The following SP100 variants were observed in gnomAD, a reference collection of about 807,000 sequenced individuals.
SP100 encodes the protein nuclear autoantigen Sp-100.
SP100 carries 84 observed loss-of-function variants against 130.0 expected under a neutral mutation model. The ratio of observed to expected loss-of-function variants is 0.65; its 90% CI spans 0.54 to 0.77. The LOEUF (loss-of-function observed/expected upper bound fraction) is 0.77, where lower values mean the gene tolerates loss of function less well. SP100 is among the 30% of genes least tolerant of loss of function. The probability of loss-of-function intolerance (pLI) is 0.00; values close to 1 mark genes in which losing one functional copy is unlikely to be tolerated. For synonymous variants in SP100, 331 were observed against 351.7 expected, an observed-to-expected ratio of 0.94 and a Z score of 0.66; for missense variants, 978 against 1,052.2, an observed-to-expected ratio of 0.93 and a Z score of 0.97.
intron 5 of SP100, among the ~76,000 whole-genome samples, chr2:230,448,874 T>C (rs1391704628): frequency 6.6e-6 from 1 of 152,182 alleles, no homozygotes; most frequent in Non-Finnish European, 1.5e-5. Context: ...AAGGCCCCTG[T>C]CATCCAGGGG....
intron 17 of SP100, among the ~76,000 whole-genome samples, chr2:230,478,375 G>A (rs3856529): frequency 0.077 from 11,700 of 152,226 alleles, 573 homozygotes; most frequent in East Asian, 0.17. Flanking sequence ...CTGGTTTCAT[G>A]AGAAGTGGCA....
At chr2:230,510,906 A>G (rs1241338282) in intron 23 of SP100, 1 of 584,474 alleles carries the variant, frequency 1.7e-6, no homozygotes, top group Non-Finnish European at 3.0e-6. Context: ...CTTGGGTGTG[A>G]GAGCCAGGAA....
In SP100 at chr2:230,531,670, G is replaced by A. The variant is rs1041743547; in HGVS notation, c.2095-7597G>A. Among the ~76,000 whole-genome samples the A allele has an allele frequency of 2.6e-5, 4 of 152,054 alleles. No homozygotes were observed. The South Asian group carries it at 8.3e-4, about 31-fold the overall frequency. On this transcript the variant is annotated intron_variant, in intron 24 of 28. Coordinates refer to ENST00000340126, the MANE Select transcript of SP100 (RefSeq NM_001080391.2). ...GTGTGGAGCCAAATTTCACATACAT[G>A]CTTGCATTGCTTCACATTCTATCTG...
At chr2:230,504,361 A>AT in intron 21 of SP100, 71 bp downstream of exon 21, 1 of 864,852 alleles carries the variant, frequency 1.2e-6, no homozygotes. Context: ...GTTTAGGAGT[A>AT]GACACTTGCC....
intron 24 of SP100, among the ~76,000 whole-genome samples, chr2:230,534,827 CTG>C (rs1358986400): frequency 6.6e-6 from 1 of 152,200 alleles, no homozygotes; most frequent in Non-Finnish European, 1.5e-5. Context: ...TCCTCATCAA[CTG>C]TGTCTTTAAC....
At chr2:230,476,841 CTCTG>C (rs2065572065) in intron 17 of SP100, among the ~76,000 whole-genome samples, 1 of 151,930 alleles carries the variant, frequency 6.6e-6, no homozygotes, top group Non-Finnish European at 1.5e-5. Flanking sequence ...TCAGAGAATG[CTCTG>C]TGTTTCTTTG....
In SP100 at chr2:230,462,496, C is replaced by T. The variant is rs773656035; in HGVS notation, c.1035C>T (p.Ile345=). 9 of 1,613,700 alleles carry T rather than the reference C, an allele frequency of 5.6e-6. No homozygotes were observed. Among genetic ancestry groups the T allele is most frequent in the Non-Finnish European group, 7.6e-6 (9 of 1,179,716 alleles). Residue 345 remains isoleucine (I), a synonymous_variant, in exon 10 of 29, where the codon ATC becomes ATT. Coordinates refer to ENST00000340126, the MANE Select transcript of SP100 (RefSeq NM_001080391.2). ...TDVDEPLEVF[I]SAPRSEPVIN... ...TTGATGAGCCCTTAGAAGTCTTCAT[C>T]TCAGCACCGAGAAGTGAGCCTGGTA...
At chr2:230,458,413 G>A (rs2064399328) in intron 8 of SP100, among the ~76,000 whole-genome samples, 1 of 152,150 alleles carries the variant, frequency 6.6e-6, no homozygotes, top group Non-Finnish European at 1.5e-5. Flanking sequence ...AGGAGGGGTT[G>A]GCCTTGCTGT....
intron 2 of SP100, among the ~76,000 whole-genome samples, chr2:230,432,500 G>C (rs2063129435): frequency 6.6e-6 from 1 of 152,056 alleles, no homozygotes; most frequent in Non-Finnish European, 1.5e-5. Context: ...AATGTATAAG[G>C]GTTCAAGTTT....
At chr2:230,540,806 T>C (rs1692143940) in intron 25 of SP100, 70 bp from the exon 26 acceptor site, 3 of 1,552,370 alleles carry the variant, frequency 1.9e-6, no homozygotes, top group Non-Finnish European at 2.6e-6. Flanking sequence ...AGCAGAGGAC[T>C]TGAACAACTG....
rs139760346 is a variant in SP100 at position 230,495,464 on chromosome 2, C to T, written c.1645+1004C>T. 3.2e-3 allele frequency among the ~76,000 whole-genome samples: 492 copies of T among 152,218 alleles called. 3 individuals carry two copies. Among genetic ancestry groups the T allele is most frequent in the African/African-American group, 0.011 (471 of 41,532 alleles). On this transcript the variant is annotated intron_variant, in intron 18 of 28. Transcript: ENST00000340126. The stretch of plus-strand genomic sequence containing the variant: ...CCTCCCGAGTAGCTGGGATTACAGG[C>T]GCATACCATCATGCCAAGCTAATTT...
intron 15 of SP100, 74 bp downstream of exon 15, chr2:230,470,172 A>C: frequency 6.5e-7 from 1 of 1,537,418 alleles, no homozygotes; most frequent in Non-Finnish European, 8.8e-7. Context: ...CTGTTTCCAG[A>C]CGCTTTTTAT....
chr2:230,463,048 T>C (rs2064748792), intron 10 of SP100, among the ~76,000 whole-genome samples: 1 of 152,238 alleles, frequency 6.6e-6, no homozygotes, highest in Non-Finnish European at 1.5e-5. Flanking sequence ...CAGCAAGTCA[T>C]GGCACATTTA....
At chr2:230,426,739 T>G (rs1283705666) in intron 2 of SP100, among the ~76,000 whole-genome samples, 1 of 152,160 alleles carries the variant, frequency 6.6e-6, no homozygotes, top group Non-Finnish European at 1.5e-5. Flanking sequence ...TTGAATGAAG[T>G]GTTCTATATA....
rs1246055755 is a variant in SP100 at position 230,438,648 on chromosome 2, T to TATATATACACACACAC, written c.108-4288_108-4287insTATATACACACACACA. Among the ~76,000 whole-genome samples the TATATATACACACACAC allele has an allele frequency of 5.5e-5, 7 of 127,400 alleles. No individual in the cohort carries two copies. The South Asian group carries it at 7.5e-4, about 14-fold the overall frequency. The allele number at this position is 127,400 out of a possible 152,430, so 83.6% of individuals were successfully genotyped here. On this transcript the variant is annotated intron_variant, in intron 2 of 28. Coordinates refer to ENST00000340126, the MANE Select transcript of SP100 (RefSeq NM_001080391.2). ...AGTAGTACTCCATGGTGTATATATA[T>TATATATACACACACAC]ACACACACACACACACACACACACA...
chr2:230,506,567 T>A (rs1474232138), intron 22 of SP100, 122 bp downstream of exon 22: 3 of 940,712 alleles, frequency 3.2e-6, no homozygotes, highest in Non-Finnish European at 4.8e-6. Flanking sequence ...CAGGTCTCCA[T>A]GCATATGTTA....
rs1692196976 is a variant in SP100 at position 230,541,989 on chromosome 2, T to C, written c.2501T>C (p.Val834Ala). 6.2e-7 allele frequency: 1 copy of C among 1,614,174 alleles called. No individual in the cohort carries two copies. Among genetic ancestry groups the C allele is most frequent in the Middle Eastern group, 1.6e-4 (1 of 6,062 alleles). Residue 834 changes from valine to alanine, a missense_variant, in exon 28 of 29, where the codon GTG becomes GCG. Physicochemically the swap from Val to Ala is moderately conservative, Grantham distance 64 (BLOSUM62 0). Coordinates refer to ENST00000340126, the MANE Select transcript of SP100 (RefSeq NM_001080391.2). ...ATGTACACCCGAGTAGAAGGGTTTG[T>C]GCAGGACATGCGTCTCATCTTTCAT... is the stretch of plus-strand genomic sequence containing the variant. The part of the protein sequence containing the change: ...EQMYTRVEGF[V>A]QDMRLIFHNH...
At position 230,424,140 on chromosome 2, in the gene SP100, G is replaced by A. The variant is rs193283671; in HGVS notation, c.107+6475G>A. ...CCTTGTTTCTTCCCTGTAAAATGAC[G>A]GTATTAATAATGGTGCTGCCAGCAG... On this transcript the variant is annotated intron_variant, in intron 2 of 28. Coordinates refer to ENST00000340126, the MANE Select transcript of SP100 (RefSeq NM_001080391.2). Among the ~76,000 whole-genome samples, 396 of 152,254 alleles carry A rather than the reference G, an allele frequency of 2.6e-3. 2 individuals are homozygous for A. The highest frequency in any genetic ancestry group is 0.014 in the South Asian group (69 of 4,828).
chr2:230,539,753 T>C (rs1692092088), intron 25 of SP100, among the ~76,000 whole-genome samples: 1 of 152,160 alleles, frequency 6.6e-6, no homozygotes. Flanking sequence ...GTAAAGCCAG[T>C]GCTGCAGCAG....
Sources: allele counts gnomAD v4.1 joint callset (sites outside exome capture counted in the v4.1 genomes callset), GRCh38; gene constraint gnomAD v4.1.1; transcripts MANE v1.5; gene names NCBI Gene and HGNC (gene_info 2026-07-23, HGNC 2026-07-21).